Variants in NDST4 observed in about 807,000 individuals in gnomAD.
NDST4 encodes the protein N-heparan sulfate sulfotransferase 4.
NDST4 carries 63 observed loss-of-function variants against 100.8 expected under a neutral mutation model. The ratio of observed to expected loss-of-function variants is 0.62; its 90% CI spans 0.51 to 0.77. The LOEUF is 0.77. NDST4 is among the 30% of genes least tolerant of loss of function. The pLI is 0.00. For synonymous variants in NDST4, 377 were observed against 361.8 expected (o/e 1.04, Z -0.48); for missense variants, 943 against 1,018.4 (o/e 0.93, Z 1.01).
At chr4:114,947,728 G>A (rs1395920153) in intron 4 of NDST4, among the ~76,000 whole-genome samples, 2 of 149,700 alleles carry the variant, frequency 1.3e-5, no homozygotes, top group Non-Finnish European at 2.9e-5. Flanking sequence ...TTCACATTAT[G>A]ATTTTCTATA....
chr4:114,900,571 C>A (rs995474607), intron 6 of NDST4, among the ~76,000 whole-genome samples: 1 of 152,130 alleles, frequency 6.6e-6, no homozygotes, highest in African/African-American at 2.4e-5. Context: ...CACTGTGTTA[C>A]AATTGCCTAC....
intron 6 of NDST4, among the ~76,000 whole-genome samples, chr4:114,933,432 C>CTTTTTTTTTTTTTTTTTCCTT (rs1725555563): frequency 1.1e-5 from 1 of 89,278 alleles, no homozygotes; most frequent in East Asian, 4.4e-4. Context: ...TTTTCTTTTC[C>CTTTTTTTTTTTTTTTTTCCTT]TTTTTTTTTT....
chr4:115,033,380 T>G (rs1728164451), intron 2 of NDST4, among the ~76,000 whole-genome samples: 1 of 151,656 alleles, frequency 6.6e-6, no homozygotes, highest in Non-Finnish European at 1.5e-5. Context: ...CCTCTCAAAG[T>G]GCTGGGATTA....
intron 6 of NDST4, among the ~76,000 whole-genome samples, chr4:114,873,376 T>G (rs1028190795): frequency 6.6e-6 from 1 of 151,742 alleles, no homozygotes; most frequent in Non-Finnish European, 1.5e-5. Context: ...TTAATTGAGA[T>G]TCATATGGAA....
At chr4:115,036,861 C>G (rs1728243987) in intron 2 of NDST4, among the ~76,000 whole-genome samples, 1 of 151,904 alleles carries the variant, frequency 6.6e-6, no homozygotes, top group Non-Finnish European at 1.5e-5. Context: ...TATATAATAT[C>G]CTTCAAACTT....
rs534475999 is a variant in NDST4 at position 115,004,981 on chromosome 4, A to G, written c.979-27707T>C. Among the ~76,000 whole-genome samples, 109 of 152,310 alleles carry G rather than the reference A, an allele frequency of 7.2e-4. 1 individual carries two copies. The highest frequency in any genetic ancestry group is 5.8e-4 in the East Asian group (3 of 5,180). On this transcript the variant is annotated intron_variant, in intron 2 of 13. Transcript: ENST00000264363. ...AATTTTTCCTCTAATTTTAACAAGAACTGGATTCTTTAATTTTAAATTGCT... is the reference window on the plus strand; with the variant it reads ...AATTTTTCCTCTAATTTTAACAAGAGCTGGATTCTTTAATTTTAAATTGCT...
At chr4:114,982,480 G>A (rs1484518106) in intron 2 of NDST4, among the ~76,000 whole-genome samples, 1 of 152,100 alleles carries the variant, frequency 6.6e-6, no homozygotes, top group Non-Finnish European at 1.5e-5. Context: ...GATGATCAAG[G>A]GCGTCTGGAG....
At chr4:114,859,557 C>A (rs535432423) in intron 7 of NDST4, among the ~76,000 whole-genome samples, 2 of 152,248 alleles carry the variant, frequency 1.3e-5, no homozygotes, top group South Asian at 4.1e-4. Flanking sequence ...CTAGAGCAAA[C>A]CCTCCACTCC....
intron 6 of NDST4, among the ~76,000 whole-genome samples, chr4:114,908,309 T>C (rs369895188): frequency 1.2e-3 from 183 of 152,280 alleles, no homozygotes; most frequent in African/African-American, 4.2e-3. Context: ...GCAGGAGTTA[T>C]GTGAATTTTA....
chr4:115,034,233 C>A (rs932812526), intron 2 of NDST4, among the ~76,000 whole-genome samples: 1 of 152,060 alleles, frequency 6.6e-6, no homozygotes, highest in Non-Finnish European at 1.5e-5. Flanking sequence ...AGTGGAAATA[C>A]AGATTCCTCC....
intron 2 of NDST4, among the ~76,000 whole-genome samples, chr4:115,023,576 T>C (rs1727909552): frequency 6.6e-6 from 1 of 150,384 alleles, no homozygotes; most frequent in Non-Finnish European, 1.5e-5. Context: ...ATAAATCACA[T>C]ACAGTAAGAT....
chr4:115,010,689 TA>T (rs910501842), intron 2 of NDST4, among the ~76,000 whole-genome samples: 3 of 150,516 alleles, frequency 2.0e-5, no homozygotes, highest in African/African-American at 7.3e-5. Context: ...AGTATAATAA[TA>T]AAAAAAAGAA....
At chr4:114,975,827 A>G (rs1726621051) in intron 3 of NDST4, among the ~76,000 whole-genome samples, 1 of 152,068 alleles carries the variant, frequency 6.6e-6, no homozygotes, top group African/African-American at 2.4e-5. Context: ...TTATAACTTC[A>G]TAGTCAGAGC....
At chr4:115,020,560 T>C (rs1727787700) in intron 2 of NDST4, among the ~76,000 whole-genome samples, 1 of 151,974 alleles carries the variant, frequency 6.6e-6, no homozygotes, top group Admixed American at 6.6e-5. Context: ...TAGCTGGGGC[T>C]TAATTAAACT....
intron 1 of NDST4, among the ~76,000 whole-genome samples, chr4:115,087,383 C>T (rs537153926): frequency 6.6e-6 from 1 of 152,096 alleles, no homozygotes; most frequent in East Asian, 1.9e-4. Flanking sequence ...GCCTATTTGC[C>T]AGGTACATCT....
chr4:114,955,726 G>A (rs1240417826), intron 4 of NDST4: 1 of 152,144 alleles, frequency 6.6e-6, no homozygotes, highest in African/African-American at 2.4e-5. Context: ...GAACCAAGGG[G>A]ATATAACCCA....
At chr4:114,865,037 G>A (rs1242539997) in intron 7 of NDST4, among the ~76,000 whole-genome samples, 2 of 151,912 alleles carry the variant, frequency 1.3e-5, no homozygotes, top group East Asian at 3.9e-4. Context: ...AGAGAAGGTG[G>A]CATATTTACT....
chr4:114,948,174 C>A (rs1013011250), intron 4 of NDST4, among the ~76,000 whole-genome samples: 1 of 151,952 alleles, frequency 6.6e-6, no homozygotes, highest in Admixed American at 6.6e-5. Context: ...ATTTCCCTTA[C>A]GAGGCATTTT....
At chr4:114,909,438 A>T (rs1454650775) in intron 6 of NDST4, among the ~76,000 whole-genome samples, 2 of 151,702 alleles carry the variant, frequency 1.3e-5, no homozygotes, top group Non-Finnish European at 2.9e-5. Context: ...AGGCGGGTGG[A>T]TCATGAGGTC....
Sources: allele counts gnomAD v4.1 joint callset (sites outside exome capture counted in the v4.1 genomes callset), GRCh38; gene constraint gnomAD v4.1.1; transcripts MANE v1.5; gene names NCBI Gene and HGNC (gene_info 2026-07-23, HGNC 2026-07-21).